POLR2F: variants seen among roughly 807,000 people sequenced by gnomAD.
POLR2F encodes RNA polymerase II, I and III subunit F.
A neutral mutation model predicts 22.7 loss-of-function variants in POLR2F; 12 were observed. The ratio of observed to expected loss-of-function variants is 0.53; its 90% CI spans 0.34 to 0.86. The LOEUF (loss-of-function observed/expected upper bound fraction) is 0.86, where lower values mean the gene tolerates loss of function less well. POLR2F is among the 40% of genes least tolerant of loss of function. The pLI is 0.02. For synonymous variants in POLR2F, 57 were observed against 66.0 expected (o/e 0.86, Z 0.66); for missense variants, 126 against 171.5 (o/e 0.73, Z 1.48).
At chr22:37,961,899 CG>C (rs1931658041) in intron 3 of POLR2F, among the ~76,000 whole-genome samples, 2 of 151,818 alleles carry the variant, frequency 1.3e-5, no homozygotes. Context: ...TCTGGAGGAG[CG>C]GGGGTAGTTC....
chr22:38,020,485 G>A lies in POLR2F; in HGVS notation c.121-5384G>A, dbSNP rs1481950158. Reference sequence around the variant, plus strand: ...GTAGGGACGGCGTTTCACCACATTGGCCAGGCTGGTCTCAAACTCCTGGTC... The same window carrying A: ...GTAGGGACGGCGTTTCACCACATTGACCAGGCTGGTCTCAAACTCCTGGTC... On this transcript the variant is annotated intron_variant, in intron 1 of 2. Transcript: ENST00000333418. 4.0e-5 allele frequency among the ~76,000 whole-genome samples: 6 copies of A among 149,060 alleles called. No homozygotes were observed. In the Admixed American group the frequency reaches 4.0e-4, roughly 10 times the overall value.
At chr22:37,955,207 T>G (rs1027732960) in intron 1 of POLR2F, among the ~76,000 whole-genome samples, 2 of 150,558 alleles carry the variant, frequency 1.3e-5, no homozygotes, top group South Asian at 2.1e-4. Context: ...ATAAGGGTTT[T>G]TTTTTTTTTT....
rs540307791 is a variant in POLR2F at position 37,995,794 on chromosome 22, T to C, written c.120+9482T>C. 4.7e-4 allele frequency among the ~76,000 whole-genome samples: 71 copies of C among 151,440 alleles called. No homozygotes were observed. In the South Asian group the frequency reaches 0.015, roughly 31 times the overall value. ...TGAAGACCACCCTGGGCAACCCCCT[T>C]TCTACTTGTTATCATGGCGAAACCC... On this transcript the variant is annotated intron_variant, in intron 1 of 2. Coordinates refer to the POLR2F transcript ENST00000333418.
At chr22:37,955,256 G>A (rs1478119299) in intron 1 of POLR2F, among the ~76,000 whole-genome samples, 1 of 150,632 alleles carries the variant, frequency 6.6e-6, no homozygotes, top group African/African-American at 2.4e-5. Flanking sequence ...AATGCTGATG[G>A]GGCCGGGTGC....
chr22:38,001,081 A>AG (rs988973599), intron 1 of POLR2F, among the ~76,000 whole-genome samples: 3 of 152,114 alleles, frequency 2.0e-5, no homozygotes, highest in East Asian at 1.9e-4. Flanking sequence ...CACTGAGAGG[A>AG]GGGGTTGAGA....
downstream of POLR2F, among the ~76,000 whole-genome samples, chr22:38,029,103 G>T (rs974242719): frequency 6.6e-6 from 1 of 152,178 alleles, no homozygotes; most frequent in Non-Finnish European, 1.5e-5. Context: ...GCAGGGTGAG[G>T]TGGTGCTGGT....
At chr22:38,022,321 G>A (rs975132148) in intron 1 of POLR2F, among the ~76,000 whole-genome samples, 1 of 151,892 alleles carries the variant, frequency 6.6e-6, no homozygotes, top group Non-Finnish European at 1.5e-5. Context: ...GGAGGCCGAG[G>A]CGGGCGGATC....
chr22:37,983,887 C>T, upstream of POLR2F: 2 of 1,069,142 alleles, frequency 1.9e-6, no homozygotes, highest in Non-Finnish European at 2.4e-6. This position sits in a 1 kb window ranked among gnomAD's most constrained non-coding sequence, Gnocchi z 9.5. Context: ...AAGGAGGGCG[C>T]GATGGAGCGG....
rs116649175 is a variant in POLR2F, at chr22:38,005,214, C to T, written c.120+18902C>T. ...CAGGAAGTGGTAGGGGTGTTATTAC[C>T]ACCTATTTCCAACGTCCTTCACTCC... On this transcript the variant is annotated intron_variant, in intron 1 of 2. Coordinates refer to the POLR2F transcript ENST00000333418. Among the ~76,000 whole-genome samples, 250 of 152,330 alleles carry T rather than the reference C, an allele frequency of 1.6e-3. 3 individuals carry two copies. The highest frequency in any genetic ancestry group is 5.7e-3 in the African/African-American group (239 of 41,576).
chr22:37,984,587 G>C (rs1238460630), upstream of POLR2F: 1 of 145,266 alleles, frequency 6.9e-6, no homozygotes, highest in African/African-American at 2.5e-5. The surrounding 1 kb of genome is among the most constrained non-coding windows in gnomAD (Gnocchi z 4.4). Flanking sequence ...GCTGGGGAAG[G>C]AAGGAGGGGG....
At chr22:38,005,894 T>C (rs1038759406) in intron 1 of POLR2F, among the ~76,000 whole-genome samples, 6 of 152,342 alleles carry the variant, frequency 3.9e-5, no homozygotes, top group Non-Finnish European at 8.8e-5. Context: ...TTTTATTGTA[T>C]GTTACAGAAG....
In POLR2F at chr22:37,997,984, G is replaced by A. The variant is rs780630939; in HGVS notation, c.120+11672G>A. Among the ~76,000 whole-genome samples, 2 of 152,192 alleles carry A rather than the reference G, an allele frequency of 1.3e-5. No homozygotes were observed. Among genetic ancestry groups the A allele is most frequent in the Non-Finnish European group, 2.9e-5 (2 of 68,038 alleles). On this transcript the variant is annotated intron_variant, in intron 1 of 2. Transcript: ENST00000333418. The surrounding 1 kb of genome is among the most constrained non-coding windows in gnomAD (Gnocchi z 4.4). Reference sequence around the variant, plus strand: ...AGAGCAGGTGTTTGTGTCCCCTTCCGGTGAGAGCTTTCCAGCGCCCAGAGA... The same window carrying A: ...AGAGCAGGTGTTTGTGTCCCCTTCCAGTGAGAGCTTTCCAGCGCCCAGAGA...
Position 37,968,216 on chromosome 22 carries a change from A to C in POLR2F, c.*501A>C. 1.0e-6 allele frequency: 1 copy of C among 985,490 alleles called. No individual in the cohort carries two copies. The highest frequency in any genetic ancestry group is 1.2e-6 in the Non-Finnish European group (1 of 830,002). 61.0% of individuals were successfully genotyped at this position (985,490 alleles called of 1,614,324 possible). A position where few individuals can be genotyped will look rare whatever the true frequency, so the allele number is the denominator to read the frequency against. On this transcript the variant is annotated 3_prime_UTR_variant, in exon 5 of 5. Coordinates refer to ENST00000442738, the MANE Select transcript of POLR2F (RefSeq NM_021974.5). ...TGGGCTCGGATCCCCTTTCAGGAGC[A>C]GTGCCCCAGCAGGAAGCGTGGGGGT...
At position 37,997,430 on chromosome 22, in the gene POLR2F, C is replaced by T. The variant is rs2084725821; in HGVS notation, c.120+11118C>T. Among the ~76,000 whole-genome samples the T allele has an allele frequency of 6.6e-6, 1 of 152,110 alleles. No individual in the cohort carries two copies. Among genetic ancestry groups the T allele is most frequent in the South Asian group, 2.1e-4 (1 of 4,828 alleles). On this transcript the variant is annotated intron_variant, in intron 1 of 2. Coordinates refer to the POLR2F transcript ENST00000333418. This position sits in a 1 kb window ranked among gnomAD's most constrained non-coding sequence, Gnocchi z 4.4. ...GCCCTGGCTCCCTGTCTCTCTCCAG[C>T]CCTGTCTCTGTCTCTCCCTGTTTTT...
chr22:37,999,331 C>T lies in POLR2F; in HGVS notation c.120+13019C>T, dbSNP rs149006875. 3.4e-3 allele frequency among the ~76,000 whole-genome samples: 516 copies of T among 152,260 alleles called. 5 individuals are homozygous for T. Among genetic ancestry groups the T allele is most frequent in the African/African-American group, 0.011 (471 of 41,552 alleles). On this transcript the variant is annotated intron_variant, in intron 1 of 2. Coordinates refer to the POLR2F transcript ENST00000333418. ...GGCTGCAGGCACCTTTGGCCGCCTGCGTGTGGGGATGCTGGAGCTTGTCGG... is the reference window on the plus strand; with the variant it reads ...GGCTGCAGGCACCTTTGGCCGCCTGTGTGTGGGGATGCTGGAGCTTGTCGG...
At chr22:37,994,421 C>G (rs1160575268) in intron 1 of POLR2F, among the ~76,000 whole-genome samples, 3 of 152,174 alleles carry the variant, frequency 2.0e-5, no homozygotes, top group Non-Finnish European at 4.4e-5. Context: ...CATCACGGCT[C>G]ACTGCAGCTT....
Position 37,978,188 on chromosome 22 carries a change from A to C in POLR2F, c.293+11018A>C. 3.4e-6 allele frequency: 5 copies of C among 1,464,984 alleles called. No homozygotes were observed. The highest frequency in any genetic ancestry group is 4.5e-6 in the Non-Finnish European group (5 of 1,107,970). 90.7% of individuals were successfully genotyped at this position (1,464,984 alleles called of 1,614,324 possible). ...CAGCAGAGGGGCTGGCGTGAATGCC[A>C]GAGCACTCCAGGTTGGCCTCCCTCT... is the stretch of plus-strand genomic sequence containing the variant. On this transcript the variant is annotated intron_variant, in intron 4 of 4. Coordinates refer to the POLR2F transcript ENST00000405557. This position sits in a 1 kb window ranked among gnomAD's most constrained non-coding sequence, Gnocchi z 5.0.
chr22:37,960,553 G>T (rs569247497), intron 3 of POLR2F, among the ~76,000 whole-genome samples: 2 of 151,184 alleles, frequency 1.3e-5, no homozygotes, highest in East Asian at 2.0e-4. Context: ...GCCCGCCACC[G>T]TGCCCAGCTA....
rs1272618845 is a variant in POLR2F at position 37,980,898 on chromosome 22, A to G, written c.293+13728A>G. Among the ~76,000 whole-genome samples the G allele has an allele frequency of 6.6e-6, 1 of 152,192 alleles. No homozygotes were observed. Among genetic ancestry groups the G allele is most frequent in the Non-Finnish European group, 1.5e-5 (1 of 68,026 alleles). On this transcript the variant is annotated intron_variant, in intron 4 of 4. Transcript: ENST00000405557. This position sits in a 1 kb window ranked among gnomAD's most constrained non-coding sequence, Gnocchi z 4.1. ...GGGGAAGGGGCCTGTGGCACTGGGA[A>G]CAGAGGCTGGGTGACCCCCACCACA...
Sources: gnomAD v4.1 joint callset for allele counts (sites outside exome capture counted in the v4.1 genomes callset) on GRCh38, gnomAD v4.1.1 for gene constraint, Gnocchi (gnomAD v3.1) non-coding constraint, MANE v1.5 for transcripts, NCBI Gene and HGNC (gene_info 2026-07-23, HGNC 2026-07-21) for gene names.